Variants in RABGAP1L observed in about 807,000 individuals in gnomAD.
RABGAP1L encodes RAB GTPase activating protein 1 like.
Under a neutral mutation model 137.7 loss-of-function variants are expected in RABGAP1L, and 63 were observed. That is an observed-to-expected ratio of 0.46 (90% CI 0.37 to 0.56). The LOEUF is 0.56. Ranked by LOEUF, RABGAP1L falls within the 20% of genes least tolerant of loss-of-function variation. The probability of loss-of-function intolerance (pLI) is 0.00; values close to 1 mark genes in which losing one functional copy is unlikely to be tolerated. For missense variants in RABGAP1L, 1,095 were observed against 1,244.0 expected (o/e 0.88, Z 1.80); for synonymous variants, 431 against 433.7 (o/e 0.99, Z 0.08).
At chr1:174,951,868 A>G (rs188318690) in intron 19 of RABGAP1L, among the ~76,000 whole-genome samples, 1 of 152,234 alleles carries the variant, frequency 6.6e-6, no homozygotes. Flanking sequence ...AAACACTGGT[A>G]GTGCCCAGGG....
intron 14 of RABGAP1L, among the ~76,000 whole-genome samples, chr1:174,674,905 C>T (rs1484766943): frequency 6.6e-6 from 1 of 152,214 alleles, no homozygotes; most frequent in Non-Finnish European, 1.5e-5. Flanking sequence ...AGTGTCTGTT[C>T]ATGTCCTTCA....
chr1:174,884,689 C>A (rs1340306075), intron 19 of RABGAP1L, among the ~76,000 whole-genome samples: 1 of 152,082 alleles, frequency 6.6e-6, no homozygotes, highest in African/African-American at 2.4e-5. Context: ...AAGTGTGTTC[C>A]TTTAAATGCA....
At position 174,354,957 on chromosome 1, in the gene RABGAP1L, G is replaced by A. The variant is rs186960849; in HGVS notation, c.1466-16022G>A. On this transcript the variant is annotated intron_variant, in intron 11 of 25. Transcript: ENST00000681986. ...TCTTCTTTTTGTCAGGTTTGTCAAA[G>A]ATCAGATGGTTGTAGATAAGGATGT... 1.3e-4 allele frequency among the ~76,000 whole-genome samples: 20 copies of A among 152,292 alleles called. No individual in the cohort carries two copies. The East Asian group carries it at 2.7e-3, about 21-fold the overall frequency.
At chr1:174,733,567 G>A (rs1406483492) in intron 17 of RABGAP1L, among the ~76,000 whole-genome samples, 2 of 152,112 alleles carry the variant, frequency 1.3e-5, no homozygotes, top group African/African-American at 4.8e-5. Context: ...CTACCTTTGG[G>A]CTCCCCCTGT....
intron 19 of RABGAP1L, among the ~76,000 whole-genome samples, chr1:174,902,020 G>C (rs770281424): frequency 2.6e-5 from 4 of 152,116 alleles, no homozygotes; most frequent in Non-Finnish European, 4.4e-5. Flanking sequence ...ACCAGTGTAG[G>C]CTGAGAAAAA....
intron 17 of RABGAP1L, among the ~76,000 whole-genome samples, chr1:174,733,342 G>C (rs533219474): frequency 6.6e-6 from 1 of 152,138 alleles, no homozygotes; most frequent in Non-Finnish European, 1.5e-5. Flanking sequence ...ATGCACTTTC[G>C]TGGTCCCATC....
intron 17 of RABGAP1L, among the ~76,000 whole-genome samples, chr1:174,739,170 A>G (rs1006912968): frequency 6.6e-6 from 1 of 152,152 alleles, no homozygotes; most frequent in African/African-American, 2.4e-5. Flanking sequence ...TTGGCTCCTA[A>G]TAAAGGAACA....
At position 174,241,561 on chromosome 1, in the gene RABGAP1L, C is replaced by A; in HGVS notation, c.621C>A (p.Asp207Glu). ...YKVLFCARGH[D>E]GTTESNCFAF... is the part of the protein sequence containing the mutation. ...TGTTATTCTGTGCACGTGGACATGA[C>A]GGAACAACAGAGAGCAATTGCTTTG... is the stretch of plus-strand genomic sequence containing the variant. Residue 207 changes from aspartate (D) to glutamate (E), a missense_variant, in exon 5 of 26, where the codon GAC (aspartate) becomes GAA (glutamate). Around this residue, in one of 4 missense-constraint regions of RABGAP1L, gnomAD observed 356 missense variants for 326.3 expected, o/e 1.09. Transcript: ENST00000681986. 2 of 1,613,106 alleles carry A rather than the reference C, an allele frequency of 1.2e-6. No individual in the cohort carries two copies. The highest frequency in any genetic ancestry group is 1.7e-4 in the Middle Eastern group (1 of 6,060).
intron 11 of RABGAP1L, among the ~76,000 whole-genome samples, chr1:174,352,313 G>A (rs1001719921): frequency 3.3e-5 from 5 of 151,744 alleles, no homozygotes; most frequent in African/African-American, 1.2e-4. Context: ...TCTTCAAGGT[G>A]ACTAATTCTT....
intron 13 of RABGAP1L, among the ~76,000 whole-genome samples, chr1:174,434,366 C>G (rs936883217): frequency 6.6e-6 from 1 of 151,994 alleles, no homozygotes. Flanking sequence ...TTTATTCATT[C>G]CCCTGTTGAT....
intron 13 of RABGAP1L, among the ~76,000 whole-genome samples, chr1:174,602,203 C>T (rs1670466314): frequency 6.6e-6 from 1 of 152,186 alleles, no homozygotes; most frequent in Non-Finnish European, 1.5e-5. Context: ...CTAATAAAGA[C>T]ATACCTGAGA....
In RABGAP1L at chr1:174,231,128, T is replaced by G. The variant is rs1670613941; in HGVS notation, c.332-17T>G. 6.4e-7 allele frequency: 1 copy of G among 1,572,686 alleles called. No homozygotes were observed. The highest frequency in any genetic ancestry group is 8.7e-7 in the Non-Finnish European group (1 of 1,149,452). On this transcript the variant is annotated splice_polypyrimidine_tract_variant and intron_variant, in intron 3 of 25. Coordinates refer to ENST00000681986, the MANE Select transcript of RABGAP1L (RefSeq NM_001366446.1). Reference sequence around the variant, plus strand: ...TTTTGCAATGACTTTTGAGTGTTTCTTTTTTTGTTTCTTCAGAAATTTCTA... The same window carrying G: ...TTTTGCAATGACTTTTGAGTGTTTCGTTTTTTGTTTCTTCAGAAATTTCTA...
intron 10 of RABGAP1L, among the ~76,000 whole-genome samples, chr1:174,298,488 C>A (rs76991270): frequency 0.072 from 10,967 of 152,278 alleles, 591 homozygotes; most frequent in East Asian, 0.32. Flanking sequence ...CTCACCTGCG[C>A]TGTGCCTTTT....
intron 19 of RABGAP1L, among the ~76,000 whole-genome samples, chr1:174,894,244 T>A (rs1656760241): frequency 1.3e-5 from 2 of 152,242 alleles, no homozygotes; most frequent in South Asian, 4.1e-4. Flanking sequence ...ATTTATTCCT[T>A]CATGTAAAAG....
At chr1:174,640,765 G>T (rs1415847422) in intron 14 of RABGAP1L, among the ~76,000 whole-genome samples, 1 of 151,292 alleles carries the variant, frequency 6.6e-6, no homozygotes. Flanking sequence ...TTGTCTTATT[G>T]CACTGACCAC....
intron 13 of RABGAP1L, 71 bp downstream of exon 13, chr1:174,394,216 C>T: frequency 6.5e-7 from 1 of 1,532,556 alleles, no homozygotes. Flanking sequence ...TTCATAGCTC[C>T]CATAAGTCAT....
At chr1:174,327,658 C>T (rs1680553752) in intron 11 of RABGAP1L, among the ~76,000 whole-genome samples, 1 of 151,720 alleles carries the variant, frequency 6.6e-6, no homozygotes, top group Non-Finnish European at 1.5e-5. Context: ...TAATAATTAA[C>T]TTGAGTGTAA....
At chr1:174,731,137 C>T (rs1682431548) in intron 17 of RABGAP1L, among the ~76,000 whole-genome samples, 1 of 151,980 alleles carries the variant, frequency 6.6e-6, no homozygotes, top group Non-Finnish European at 1.5e-5. Flanking sequence ...AGCATGCCCA[C>T]CTGTTTTGTA....
intron 13 of RABGAP1L, among the ~76,000 whole-genome samples, chr1:174,546,127 C>G (rs1049070452): frequency 1.1e-4 from 17 of 152,136 alleles, no homozygotes; most frequent in African/African-American, 4.1e-4. Context: ...TCTGGTAGCT[C>G]TTCCGAGTAT....
Sources: allele counts gnomAD v4.1 joint callset (sites outside exome capture counted in the v4.1 genomes callset), GRCh38; gene constraint gnomAD v4.1.1; regional missense constraint gnomAD v4.1.1; transcripts MANE v1.5; gene names NCBI Gene and HGNC (gene_info 2026-07-23, HGNC 2026-07-21).